The following TYR variants were observed in gnomAD, a reference collection of about 807,000 sequenced individuals.
TYR encodes LB24-AB.
A neutral mutation model predicts 51.5 loss-of-function variants in TYR; 58 were observed. That is an observed-to-expected ratio of 1.13 (90% CI 0.91 to 1.40). The LOEUF is 1.40. Ranked by LOEUF, TYR falls within the 40% of genes most tolerant of loss-of-function variation. The pLI is 0.00. For synonymous variants in TYR, 263 were observed against 235.2 expected, an observed-to-expected ratio of 1.12 and a Z score of -1.08; for missense variants, 732 against 647.4, an observed-to-expected ratio of 1.13 and a Z score of -1.42.
rs1944083176 is a variant in TYR at position 89,234,136 on chromosome 11, T to C, written c.1184+6166T>C. ...CTGGATAACTTGCTGCAGCTTTCCA[T>C]TGCACTTGTTGCTTCACTTTGCAGT... On this transcript the variant is annotated intron_variant, in intron 3 of 4. Transcript: ENST00000263321. 1.4e-5 allele frequency among the ~76,000 whole-genome samples: 2 copies of C among 143,872 alleles called. 1 individual carries two copies. Among genetic ancestry groups the C allele is most frequent in the South Asian group, 4.6e-4 (2 of 4,384 alleles). The allele number at this position is 143,872 out of a possible 152,430, so 94.4% of individuals were successfully genotyped here. A position where few individuals can be genotyped will look rare whatever the true frequency, so the allele number is the denominator to read the frequency against.
intron 2 of TYR, among the ~76,000 whole-genome samples, chr11:89,214,635 G>T (rs113027632): frequency 6.6e-6 from 1 of 152,138 alleles, no homozygotes; most frequent in Non-Finnish European, 1.5e-5. Flanking sequence ...CAACCCAAAT[G>T]TCCATCAATA....
chr11:89,193,709 C>A (rs1943478656), intron 2 of TYR, among the ~76,000 whole-genome samples: 1 of 152,068 alleles, frequency 6.6e-6, no homozygotes, highest in Non-Finnish European at 1.5e-5. Flanking sequence ...AGCTCAGCTG[C>A]TAAGAAGAAC....
rs116453944 is a variant in TYR, at chr11:89,259,478, C to T, written c.1185-25295C>T. Reference sequence around the variant, plus strand: ...ACCTGTTTCTGAACAATAGATCTTACGCTAAATTAGGTCCCTTTGGAAATA... The same window carrying T: ...ACCTGTTTCTGAACAATAGATCTTATGCTAAATTAGGTCCCTTTGGAAATA... On this transcript the variant is annotated intron_variant, in intron 3 of 4. Transcript: ENST00000263321. 2.9e-3 allele frequency among the ~76,000 whole-genome samples: 448 copies of T among 152,092 alleles called. 1 individual carries two copies. The highest frequency in any genetic ancestry group is 9.9e-3 in the African/African-American group (412 of 41,498).
At chr11:89,290,526 A>T (rs1944842647) in intron 4 of TYR, among the ~76,000 whole-genome samples, 1 of 152,056 alleles carries the variant, frequency 6.6e-6, no homozygotes, top group Non-Finnish European at 1.5e-5. Context: ...CACTAACAGC[A>T]ATTTAAGCTA....
rs770370708 is a variant in TYR at position 89,227,899 on chromosome 11, T to C, written c.1113T>C (p.Asn371=). 5 of 1,613,704 alleles carry C rather than the reference T, an allele frequency of 3.1e-6. No homozygotes were observed. The highest frequency in any genetic ancestry group is 1.7e-6 in the Non-Finnish European group (2 of 1,179,766). ...ACAATGCCTTGCACATCTATATGAA[T>C]GGAACAATGTCCCAGGTACAGGGAT... The part of the protein sequence containing the change: ...SMHNALHIYM[N]GTMSQVQGSA... The change falls in exon 3 of 5, where the codon AAT becomes AAC. Residue 371 remains asparagine, a synonymous_variant. Coordinates refer to ENST00000263321, the MANE Select transcript of TYR (RefSeq NM_000372.5).
chr11:89,188,297 C>T (rs180862967), intron 1 of TYR, among the ~76,000 whole-genome samples: 3 of 151,954 alleles, frequency 2.0e-5, no homozygotes, highest in Admixed American at 1.3e-4. Flanking sequence ...CTATGTTTAT[C>T]GTGTTCAGTA....
At chr11:89,241,485 C>A (rs1178511376) in intron 3 of TYR, among the ~76,000 whole-genome samples, 1 of 151,794 alleles carries the variant, frequency 6.6e-6, no homozygotes, top group Non-Finnish European at 1.5e-5. Context: ...AATATTTAAG[C>A]CCTTTAAATA....
Position 89,295,314 on chromosome 11 carries a change from C to A in TYR, c.1538C>A (p.Pro513Gln). The change falls in exon 5 of 5, where the codon CCA becomes CAA. Residue 513 changes from proline (P) to glutamine (Q), a missense_variant. Physicochemically the swap from Pro to Gln is moderately conservative, Grantham distance 76. Coordinates refer to ENST00000263321, the MANE Select transcript of TYR (RefSeq NM_000372.5). ...AAGCAGCTTCCTGAAGAAAAGCAGC[C>A]ACTCCTCATGGAGAAAGAGGATTAC... The part of the protein sequence containing the change: ...KRKQLPEEKQ[P>Q]LLMEKEDYHS... The A allele has an allele frequency of 6.2e-7, 1 of 1,613,630 alleles. No individual in the cohort carries two copies. Among genetic ancestry groups the A allele is most frequent in the Non-Finnish European group, 8.5e-7 (1 of 1,179,722 alleles).
At chr11:89,274,310 CA>C (rs1944625205) in intron 3 of TYR, among the ~76,000 whole-genome samples, 1 of 151,848 alleles carries the variant, frequency 6.6e-6, no homozygotes, top group African/African-American at 2.4e-5. Context: ...TCACAAATAG[CA>C]AAAATTTGCC....
intron 2 of TYR, among the ~76,000 whole-genome samples, chr11:89,208,776 T>G (rs1943708929): frequency 6.6e-6 from 1 of 152,226 alleles, no homozygotes; most frequent in Admixed American, 6.5e-5. Context: ...ATCATTCTTC[T>G]TAGACGTATT....
chr11:89,284,467 C>T (rs1219137801), intron 3 of TYR, among the ~76,000 whole-genome samples: 4 of 151,788 alleles, frequency 2.6e-5, no homozygotes, highest in Non-Finnish European at 2.9e-5. Flanking sequence ...TCAATTGTCA[C>T]TCAACCAATA....
intron 2 of TYR, among the ~76,000 whole-genome samples, chr11:89,224,471 G>GT (rs1203977829): frequency 1.3e-5 from 2 of 152,128 alleles, no homozygotes; most frequent in Admixed American, 6.6e-5. Flanking sequence ...TTTTACAGCA[G>GT]TATCTTCAAA....
At chr11:89,279,795 A>C (rs1207996614) in intron 3 of TYR, among the ~76,000 whole-genome samples, 2 of 151,780 alleles carry the variant, frequency 1.3e-5, no homozygotes, top group Non-Finnish European at 3.0e-5. Context: ...TCAAACTGTT[A>C]AATGATTTCA....
intron 2 of TYR, among the ~76,000 whole-genome samples, chr11:89,225,605 T>C (rs1272400498): frequency 1.3e-5 from 2 of 152,066 alleles, no homozygotes; most frequent in African/African-American, 2.4e-5. Flanking sequence ...AGTTACAGAC[T>C]ATCAAAGAAG....
chr11:89,245,972 C>A (rs1271718842), intron 3 of TYR, among the ~76,000 whole-genome samples: 2 of 151,288 alleles, frequency 1.3e-5, no homozygotes, highest in African/African-American at 4.8e-5. Flanking sequence ...TGAAGAGGAA[C>A]AAACAGTGGG....
At chr11:89,197,644 T>TG (rs1242577813) in intron 2 of TYR, among the ~76,000 whole-genome samples, 1 of 151,956 alleles carries the variant, frequency 6.6e-6, no homozygotes, top group Non-Finnish European at 1.5e-5. Context: ...AGTGAGCTAT[T>TG]GGGGGGAGTC....
chr11:89,207,364 A>G (rs1296407954), intron 2 of TYR, among the ~76,000 whole-genome samples: 2 of 152,144 alleles, frequency 1.3e-5, no homozygotes, highest in African/African-American at 2.4e-5. Context: ...ACATTTGACA[A>G]CTTAGATGAA....
intron 3 of TYR, among the ~76,000 whole-genome samples, chr11:89,239,584 A>C (rs1349520118): frequency 6.6e-6 from 1 of 151,850 alleles, no homozygotes; most frequent in African/African-American, 2.4e-5. Context: ...TCCTTCTGTT[A>C]ACTTTAGGCA....
chr11:89,209,516 A>G (rs764149499), intron 2 of TYR, among the ~76,000 whole-genome samples: 3 of 152,058 alleles, frequency 2.0e-5, no homozygotes, highest in African/African-American at 4.8e-5. Flanking sequence ...TTTAGATTCC[A>G]CCTCTGGGGG....
Sources: allele counts gnomAD v4.1 joint callset (sites outside exome capture counted in the v4.1 genomes callset), GRCh38; gene constraint gnomAD v4.1.1; transcripts MANE v1.5; gene names NCBI Gene and HGNC (gene_info 2026-07-23, HGNC 2026-07-21).